DPP10: variants seen among roughly 807,000 people sequenced by gnomAD.
DPP10 encodes dipeptidyl peptidase like 10, also known as inactive dipeptidyl peptidase 10.
In DPP10, 33 loss-of-function variants were observed where a neutral mutation model predicts 120.9. The observed-to-expected ratio is 0.27, with a 90% confidence interval of 0.21 to 0.37. DPP10 has a LOEUF of 0.37. DPP10 is among the 10% of genes least tolerant of loss of function. The pLI, the probability that DPP10 is intolerant of heterozygous loss-of-function variation, is 1.00. For missense variants in DPP10, 816 were observed against 942.8 expected (o/e 0.87, Z 1.76); for synonymous variants, 337 against 326.1 (o/e 1.03, Z -0.36).
chr2:115,308,285 C>T (rs1324153261), intron 1 of DPP10, among the ~76,000 whole-genome samples: 5 of 151,992 alleles, frequency 3.3e-5, no homozygotes, highest in Non-Finnish European at 5.9e-5. Flanking sequence ...ATGTAGTGAG[C>T]TGGATATCTT....
At chr2:115,525,451 A>G (rs1043926207) in intron 4 of DPP10, among the ~76,000 whole-genome samples, 4 of 152,086 alleles carry the variant, frequency 2.6e-5, no homozygotes, top group African/African-American at 9.7e-5. Context: ...TCTGTCTTTA[A>G]TGTTAGTATC....
intron 1 of DPP10, among the ~76,000 whole-genome samples, chr2:114,742,604 A>T (rs974835432): frequency 6.6e-6 from 1 of 152,168 alleles, no homozygotes; most frequent in Non-Finnish European, 1.5e-5. Context: ...AGCATTCCCT[A>T]TTACATTTTC....
At chr2:115,255,332 C>T (rs903807941) in intron 1 of DPP10, among the ~76,000 whole-genome samples, 1 of 152,164 alleles carries the variant, frequency 6.6e-6, no homozygotes, top group Non-Finnish European at 1.5e-5. Context: ...CGCCGAGACC[C>T]TATGCTGCAC....
intron 3 of DPP10, among the ~76,000 whole-genome samples, chr2:115,346,259 T>C (rs2063706844): frequency 6.6e-6 from 1 of 152,240 alleles, no homozygotes. Context: ...TATATCTAAA[T>C]GTAACCTGTG....
At chr2:115,218,416 T>G (rs1450645529) in intron 1 of DPP10, among the ~76,000 whole-genome samples, 1 of 152,164 alleles carries the variant, frequency 6.6e-6, no homozygotes, top group Non-Finnish European at 1.5e-5. Context: ...CTTTATTTCC[T>G]TACTCCTACT....
chr2:114,572,370 T>G (rs923409399), intron 1 of DPP10, among the ~76,000 whole-genome samples: 1 of 152,218 alleles, frequency 6.6e-6, no homozygotes, highest in African/African-American at 2.4e-5. Context: ...TAATACAACT[T>G]GTTTATGGGA....
At chr2:115,194,628 T>G (rs1310615122) in intron 1 of DPP10, among the ~76,000 whole-genome samples, 1 of 152,208 alleles carries the variant, frequency 6.6e-6, no homozygotes, top group Admixed American at 6.5e-5. Flanking sequence ...ACGAAGGGGT[T>G]TGGCCCGTCT....
chr2:115,003,224 G>A (rs186648209), intron 1 of DPP10, among the ~76,000 whole-genome samples: 8 of 150,430 alleles, frequency 5.3e-5, no homozygotes, highest in Non-Finnish European at 8.9e-5. Context: ...AGTGACATGG[G>A]TGAAACTGGA....
chr2:114,699,482 A>T (rs1700263694), intron 1 of DPP10, among the ~76,000 whole-genome samples: 1 of 152,090 alleles, frequency 6.6e-6, no homozygotes, highest in Non-Finnish European at 1.5e-5. Context: ...GTTATGGTAG[A>T]AGGAAGCTTT....
chr2:115,609,329 A>G (rs966543381), intron 5 of DPP10, among the ~76,000 whole-genome samples: 1 of 152,082 alleles, frequency 6.6e-6, no homozygotes, highest in African/African-American at 2.4e-5. Flanking sequence ...CTACTAGACA[A>G]TATGTTGCGG....
chr2:115,646,870 AT>A (rs11362935), intron 5 of DPP10, among the ~76,000 whole-genome samples: 29,925 of 151,856 alleles, frequency 0.2, 3,035 homozygotes, highest in East Asian at 0.27. Flanking sequence ...AACGCTGTTT[AT>A]TTTTTTCTTC....
intron 1 of DPP10, among the ~76,000 whole-genome samples, chr2:115,302,048 C>T (rs1245866365): frequency 6.6e-6 from 1 of 152,078 alleles, no homozygotes; most frequent in South Asian, 2.1e-4. Flanking sequence ...TGGACGGCCT[C>T]AGAAAACTTA....
chr2:114,805,083 G>A (rs1684605934), intron 1 of DPP10, among the ~76,000 whole-genome samples: 1 of 152,044 alleles, frequency 6.6e-6, no homozygotes, highest in Admixed American at 6.6e-5. Flanking sequence ...GGGTTTATCA[G>A]GGGTTTCCAC....
Position 115,029,518 on chromosome 2 carries a change from T to A in DPP10, c.61-279721T>A, listed in dbSNP as rs575349525. 5.3e-5 allele frequency among the ~76,000 whole-genome samples: 8 copies of A among 152,038 alleles called. No homozygotes were observed. The South Asian group carries it at 1.7e-3, about 31-fold the overall frequency. On this transcript the variant is annotated intron_variant, in intron 1 of 25. Coordinates refer to ENST00000410059, the MANE Select transcript of DPP10 (RefSeq NM_020868.6). ...GCTTTTAAGACAGGTCTAATAGTGG[T>A]ATATTTTCTCAGCTTTTGTTATCTA...
At chr2:115,646,643 T>C (rs1227709331) in intron 5 of DPP10, among the ~76,000 whole-genome samples, 1 of 152,182 alleles carries the variant, frequency 6.6e-6, no homozygotes. Flanking sequence ...TTGACACCAT[T>C]TAAAAACATT....
intron 1 of DPP10, among the ~76,000 whole-genome samples, chr2:114,752,499 G>A (rs1183827304): frequency 1.3e-5 from 2 of 152,156 alleles, no homozygotes; most frequent in Admixed American, 1.3e-4. Flanking sequence ...ACTTGTGCCT[G>A]GTCTCAGACT....
At chr2:114,738,167 GA>G (rs1485610836) in intron 1 of DPP10, among the ~76,000 whole-genome samples, 1 of 152,168 alleles carries the variant, frequency 6.6e-6, no homozygotes, top group Non-Finnish European at 1.5e-5. Context: ...CTGCTCCTGT[GA>G]TTCAATCACC....
chr2:115,309,463 T>G, intron 2 of DPP10, 110 bp downstream of exon 2: 1 of 962,102 alleles, frequency 1.0e-6, no homozygotes, highest in South Asian at 2.0e-5. Flanking sequence ...CACATTAGCA[T>G]GGGTTGGAAT....
At position 114,733,427 on chromosome 2, in the gene DPP10, C is replaced by T. The variant is rs952561715; in HGVS notation, c.60+290589C>T. Among the ~76,000 whole-genome samples, 10 of 152,246 alleles carry T rather than the reference C, an allele frequency of 6.6e-5. No homozygotes were observed. The East Asian group carries it at 1.7e-3, about 26-fold the overall frequency. On this transcript the variant is annotated intron_variant, in intron 1 of 25. Coordinates refer to ENST00000410059, the MANE Select transcript of DPP10 (RefSeq NM_020868.6). ...AAATTAAAGAATTGGCTCTTTATCACAACATTTAGAACATACTATGAAAAG... is the reference window on the plus strand; with the variant it reads ...AAATTAAAGAATTGGCTCTTTATCATAACATTTAGAACATACTATGAAAAG...
Sources: allele counts gnomAD v4.1 joint callset (sites outside exome capture counted in the v4.1 genomes callset), GRCh38; gene constraint gnomAD v4.1.1; transcripts MANE v1.5; gene names NCBI Gene and HGNC (gene_info 2026-07-23, HGNC 2026-07-21).